Variants in SUMF1 observed in about 807,000 individuals in gnomAD.
The protein encoded by SUMF1 is formylglycine-generating enzyme.
SUMF1 carries 48 observed loss-of-function variants against 47.6 expected under a neutral mutation model. That is an observed-to-expected ratio of 1.01 (90% CI 0.80 to 1.28). The LOEUF (loss-of-function observed/expected upper bound fraction) is 1.28, where lower values mean the gene tolerates loss of function less well. Ranked by LOEUF, SUMF1 falls within the 50% of genes most tolerant of loss-of-function variation. The pLI, the probability that SUMF1 is intolerant of heterozygous loss-of-function variation, is 0.00. For synonymous variants in SUMF1, 230 were observed against 192.1 expected (o/e 1.20, Z -1.63); for missense variants, 571 against 485.4 (o/e 1.18, Z -1.66).
chr3:4,307,171 G>A (rs1698221473), intron 8 of SUMF1, among the ~76,000 whole-genome samples: 1 of 152,192 alleles, frequency 6.6e-6, no homozygotes, highest in Admixed American at 6.5e-5. Flanking sequence ...CAGAGGCCCA[G>A]GTTTTAAGCC....
intron 8 of SUMF1, among the ~76,000 whole-genome samples, chr3:4,366,950 C>T (rs1225511563): frequency 2.6e-5 from 4 of 152,206 alleles, no homozygotes; most frequent in African/African-American, 9.6e-5. Flanking sequence ...GGACCCTCAG[C>T]TGCAGGTCTG....
chr3:4,145,191 TAAAAAAAAAAAA>T (rs35699553), intron 8 of SUMF1, among the ~76,000 whole-genome samples: 2 of 90,510 alleles, frequency 2.2e-5, no homozygotes, highest in Non-Finnish European at 2.1e-5. Flanking sequence ...AAACTCCGTC[TAAAAAAAAAAAA>T]AAAAAAAAAA....
At chr3:4,147,468 A>G (rs1345241302) in intron 8 of SUMF1, among the ~76,000 whole-genome samples, 1 of 152,136 alleles carries the variant, frequency 6.6e-6, no homozygotes, top group East Asian at 1.9e-4. Context: ...TCATTTTTTT[A>G]TAGGTGAGAA....
In SUMF1 at chr3:4,129,680, G is replaced by A. The variant is rs139280049; in HGVS notation, c.1015-60935C>T. Among the ~76,000 whole-genome samples, 166 of 152,234 alleles carry A rather than the reference G, an allele frequency of 1.1e-3. 2 individuals carry two copies. Among genetic ancestry groups the A allele is most frequent in the African/African-American group, 2.8e-3 (115 of 41,534 alleles). On this transcript the variant is annotated intron_variant and NMD_transcript_variant, in intron 8 of 12. Coordinates refer to the SUMF1 transcript ENST00000448413. ...CCGTTTACCAGGATAACTGTGCATT[G>A]GGAAAGGGAAATAATCAGACATTTG...
At chr3:4,137,237 G>T (rs1693954697) in intron 8 of SUMF1, among the ~76,000 whole-genome samples, 1 of 152,028 alleles carries the variant, frequency 6.6e-6, no homozygotes, top group South Asian at 2.1e-4. Flanking sequence ...GTCCAAAAAT[G>T]ATAGACTGGA....
chr3:4,230,438 C>T (rs537347138), intron 8 of SUMF1, among the ~76,000 whole-genome samples: 2 of 152,188 alleles, frequency 1.3e-5, no homozygotes, highest in South Asian at 4.2e-4. Flanking sequence ...CTTACAGAAC[C>T]CAGGGCAACA....
At chr3:4,406,799 G>A (rs1701390668) in intron 7 of SUMF1, among the ~76,000 whole-genome samples, 2 of 152,174 alleles carry the variant, frequency 1.3e-5, no homozygotes, top group Non-Finnish European at 2.9e-5. Context: ...AACTGAACAA[G>A]TCAGCATGGT....
chr3:4,316,046 C>CAAAAAA (rs774059331), intron 8 of SUMF1, among the ~76,000 whole-genome samples: 2 of 76,868 alleles, frequency 2.6e-5, no homozygotes, highest in African/African-American at 4.4e-5. Flanking sequence ...GACTCTGTCT[C>CAAAAAA]AAAAAAAAAA....
At chr3:4,417,327 G>A in intron 5 of SUMF1, 85 bp from the exon 6 acceptor site, 5 of 1,067,034 alleles carry the variant, frequency 4.7e-6, no homozygotes, top group Non-Finnish European at 7.3e-6. Context: ...ATGAAAAAGA[G>A]AACATTGCTT....
intron 1 of SUMF1, among the ~76,000 whole-genome samples, chr3:4,460,640 A>G (rs1029418971): frequency 2.7e-5 from 4 of 146,600 alleles, no homozygotes; most frequent in African/African-American, 1.0e-4. Flanking sequence ...GTGTGTGTGT[A>G]TATATATACA....
chr3:4,260,004 C>T (rs1359608722), intron 8 of SUMF1, among the ~76,000 whole-genome samples: 1 of 145,128 alleles, frequency 6.9e-6, no homozygotes, highest in Non-Finnish European at 1.5e-5. Context: ...TATGTGTTGA[C>T]TCTGAAACCA....
chr3:4,399,452 CTA>C (rs1701138832), intron 7 of SUMF1, among the ~76,000 whole-genome samples: 1 of 152,072 alleles, frequency 6.6e-6, no homozygotes, highest in Non-Finnish European at 1.5e-5. Context: ...ATGGACTACT[CTA>C]TGTGAGAAAA....
At chr3:4,335,239 A>G (rs1370890902) in intron 8 of SUMF1, among the ~76,000 whole-genome samples, 1 of 152,134 alleles carries the variant, frequency 6.6e-6, no homozygotes, top group Non-Finnish European at 1.5e-5. Context: ...AAACTCTTCA[A>G]TGACTTCTCA....
rs545181080 is a variant in SUMF1, at chr3:4,307,940, T to C, written c.1014+68390A>G. On this transcript the variant is annotated intron_variant and NMD_transcript_variant, in intron 8 of 12. Transcript: ENST00000448413. ...GGTGCATGCCTGTAGTCCCACCTAC[T>C]TGGGAGGCTGACCTTGAGCCCAGCA... Among the ~76,000 whole-genome samples the C allele has an allele frequency of 7.9e-5, 12 of 152,234 alleles. No individual in the cohort carries two copies. The South Asian group carries it at 2.3e-3, about 29-fold the overall frequency.
At chr3:4,163,035 C>A (rs757876708) in intron 8 of SUMF1, among the ~76,000 whole-genome samples, 2 of 151,876 alleles carry the variant, frequency 1.3e-5, no homozygotes, top group Non-Finnish European at 2.9e-5. Flanking sequence ...TTTAGCCCAA[C>A]TGAAGGAAGA....
At chr3:4,227,893 T>A (rs1056130417) in intron 8 of SUMF1, among the ~76,000 whole-genome samples, 1 of 152,180 alleles carries the variant, frequency 6.6e-6, no homozygotes, top group Admixed American at 6.5e-5. Flanking sequence ...ATAATCATTA[T>A]GAATACAGAG....
intron 9 of SUMF1, among the ~76,000 whole-genome samples, chr3:4,038,708 TC>T (rs1694849805): frequency 6.6e-6 from 1 of 152,054 alleles, no homozygotes; most frequent in South Asian, 2.1e-4. Flanking sequence ...CTTTGTTTCT[TC>T]CCCAGACTGA....
chr3:4,277,265 A>G (rs1697439075), intron 8 of SUMF1, among the ~76,000 whole-genome samples: 1 of 152,190 alleles, frequency 6.6e-6, no homozygotes, highest in Admixed American at 6.6e-5. Flanking sequence ...AAATTCAAAT[A>G]AAGAATGAAG....
chr3:4,303,505 G>T, intron 8 of SUMF1: 1 of 1,446,910 alleles, frequency 6.9e-7, no homozygotes, highest in Non-Finnish European at 9.0e-7. Flanking sequence ...GGCCCCCGGG[G>T]GCCGCGCCGG....
Sources: allele counts gnomAD v4.1 joint callset (sites outside exome capture counted in the v4.1 genomes callset), GRCh38; gene constraint gnomAD v4.1.1; transcripts MANE v1.5; gene names NCBI Gene and HGNC (gene_info 2026-07-23, HGNC 2026-07-21).